Variants in MTUS2 observed in about 807,000 individuals in gnomAD.
MTUS2 encodes the protein microtubule-associated tumor suppressor candidate 2.
MTUS2 carries 40 observed loss-of-function variants against 114.1 expected under a neutral mutation model. That is an observed-to-expected ratio of 0.35 (90% CI 0.27 to 0.46). The LOEUF is 0.46. MTUS2 is among the 20% of genes least tolerant of loss of function. The probability of loss-of-function intolerance (pLI) is 1.00; values close to 1 mark genes in which losing one functional copy is unlikely to be tolerated. For missense variants in MTUS2, 1,679 were observed against 1,705.4 expected, an observed-to-expected ratio of 0.98 and a Z score of 0.27; for synonymous variants, 688 against 672.0, an observed-to-expected ratio of 1.02 and a Z score of -0.37.
chr13:28,927,921 T>C (rs561423876), intron 2 of MTUS2, among the ~76,000 whole-genome samples: 14 of 152,052 alleles, frequency 9.2e-5, no homozygotes, highest in Non-Finnish European at 1.8e-4. Context: ...AACAGACACA[T>C]AGACCAATGG....
chr13:29,503,682 G>A lies in MTUS2; in HGVS notation c.*476G>A. 4.3e-6 allele frequency: 1 copy of A among 231,914 alleles called. No individual in the cohort carries two copies. The highest frequency in any genetic ancestry group is 8.5e-6 in the Non-Finnish European group (1 of 117,596). 14.4% of individuals were successfully genotyped at this position (231,914 alleles called of 1,614,324 possible). A position where few individuals can be genotyped will look rare whatever the true frequency, so the allele number is the denominator to read the frequency against. On this transcript the variant is annotated 3_prime_UTR_variant, in exon 16 of 16. Transcript: ENST00000612955. ...CTAACTTGTGCCTAAGAATTATTGGGAAATGAAAATGCATTTCTATCTAGC... is the reference window on the plus strand; with the variant it reads ...CTAACTTGTGCCTAAGAATTATTGGAAAATGAAAATGCATTTCTATCTAGC...
At chr13:29,175,327 A>G (rs1893725874) in intron 5 of MTUS2, among the ~76,000 whole-genome samples, 1 of 152,250 alleles carries the variant, frequency 6.6e-6, no homozygotes, top group Admixed American at 6.5e-5. Flanking sequence ...ATGGGATTTC[A>G]TTCTATTTAC....
At chr13:29,429,291 C>G (rs969833193) in intron 8 of MTUS2, among the ~76,000 whole-genome samples, 1 of 152,228 alleles carries the variant, frequency 6.6e-6, no homozygotes, top group African/African-American at 2.4e-5. Flanking sequence ...TGTTTTTCTT[C>G]GCCAAGTGCT....
intron 4 of MTUS2, among the ~76,000 whole-genome samples, chr13:29,084,783 C>A (rs565327131): frequency 2.5e-5 from 3 of 118,190 alleles, no homozygotes; most frequent in Non-Finnish European, 5.9e-5. Context: ...GGTGATCCAC[C>A]CCCCCCCCTC....
At chr13:28,873,233 A>G (rs987318353) in intron 2 of MTUS2, among the ~76,000 whole-genome samples, 2 of 152,322 alleles carry the variant, frequency 1.3e-5, no homozygotes, top group South Asian at 4.1e-4. Flanking sequence ...TTCCTTGAAC[A>G]TACCATGGGG....
chr13:29,222,937 C>T (rs1310154250), intron 5 of MTUS2, among the ~76,000 whole-genome samples: 2 of 152,236 alleles, frequency 1.3e-5, no homozygotes, highest in Non-Finnish European at 2.9e-5. Flanking sequence ...GTCTCGGCCC[C>T]CTCTGGACTT....
intron 1 of MTUS2, among the ~76,000 whole-genome samples, chr13:28,822,794 CTG>C (rs1873999705): frequency 1.3e-5 from 2 of 152,116 alleles, no homozygotes; most frequent in Non-Finnish European, 2.9e-5. Flanking sequence ...GTCTTCAAAC[CTG>C]TGTTCAAGTA....
chr13:29,335,237 C>T (rs553490860), intron 7 of MTUS2, among the ~76,000 whole-genome samples: 27 of 152,254 alleles, frequency 1.8e-4, no homozygotes, highest in East Asian at 1.2e-3. Flanking sequence ...ATATCTTTTA[C>T]GGTCGTAGAT....
intron 9 of MTUS2, among the ~76,000 whole-genome samples, chr13:29,478,288 G>A (rs896695794): frequency 1.3e-5 from 2 of 152,174 alleles, no homozygotes; most frequent in Non-Finnish European, 2.9e-5. Context: ...TTGTAGCAAT[G>A]TTTCTTTCCT....
chr13:29,300,032 T>A (rs1394421662), intron 6 of MTUS2, among the ~76,000 whole-genome samples: 1 of 152,222 alleles, frequency 6.6e-6, no homozygotes, highest in Admixed American at 6.5e-5. Context: ...CTCAGGGTGC[T>A]ATTTAGCTAT....
intron 2 of MTUS2, among the ~76,000 whole-genome samples, chr13:28,970,051 A>G (rs9506061): frequency 0.22 from 33,394 of 152,156 alleles, 4,061 homozygotes; most frequent in Non-Finnish European, 0.26. Context: ...AAGTGCGGGG[A>G]TTACAGGTGT....
chr13:29,438,215 G>A (rs1413462414), intron 8 of MTUS2, among the ~76,000 whole-genome samples: 1 of 152,148 alleles, frequency 6.6e-6, no homozygotes, highest in Non-Finnish European at 1.5e-5. Flanking sequence ...GTAGGATTAT[G>A]CAATAAAATA....
At position 29,361,749 on chromosome 13, in the gene MTUS2, G is replaced by A. The variant is rs532069951; in HGVS notation, c.3117+2276G>A. ...TATTATTGTGAATGAGATCTTGTCT[G>A]AGCCAAGCATGCCAGCTTTGAGGAA... is the stretch of plus-strand genomic sequence containing the variant. On this transcript the variant is annotated intron_variant, in intron 8 of 15. Coordinates refer to ENST00000612955, the MANE Select transcript of MTUS2 (RefSeq NM_001033602.4). Among the ~76,000 whole-genome samples the A allele has an allele frequency of 2.9e-4, 44 of 152,308 alleles. No homozygotes were observed. In the South Asian group the frequency reaches 8.9e-3, roughly 31 times the overall value.
At chr13:29,466,230 A>G (rs1461013798) in intron 9 of MTUS2, among the ~76,000 whole-genome samples, 2 of 152,238 alleles carry the variant, frequency 1.3e-5, no homozygotes, top group African/African-American at 4.8e-5. Context: ...CTGGCATTGC[A>G]TCAAGTGATA....
At chr13:28,852,974 T>TACAC (rs58608150) in intron 2 of MTUS2, among the ~76,000 whole-genome samples, 1 of 151,078 alleles carries the variant, frequency 6.6e-6, no homozygotes, top group Non-Finnish European at 1.5e-5. Flanking sequence ...CATACATACA[T>TACAC]TCATTCATTC....
chr13:29,457,716 A>G (rs1879219550), intron 9 of MTUS2, among the ~76,000 whole-genome samples: 1 of 152,156 alleles, frequency 6.6e-6, no homozygotes, highest in African/African-American at 2.4e-5. Context: ...TAGAGAAAAC[A>G]CCAAACAGTT....
chr13:28,949,668 A>G (rs1174279170), intron 2 of MTUS2, among the ~76,000 whole-genome samples: 1 of 152,190 alleles, frequency 6.6e-6, no homozygotes, highest in African/African-American at 2.4e-5. Flanking sequence ...CTCTATGAAT[A>G]TGACTGCTCT....
In MTUS2 at chr13:28,927,448, C is replaced by T. The variant is rs1323551852; in HGVS notation, c.-243+87598C>T. Among the ~76,000 whole-genome samples, 3 of 152,152 alleles carry T rather than the reference C, an allele frequency of 2.0e-5. No individual in the cohort carries two copies. The East Asian group carries it at 5.8e-4, about 30-fold the overall frequency. On this transcript the variant is annotated intron_variant, in intron 2 of 15. Transcript: ENST00000612955. ...AGGCATAGTGGCATGCACCTGTAGT[C>T]CCAGCTGCTCAGGAGGCTGAGGTGA... is the stretch of plus-strand genomic sequence containing the variant.
intron 4 of MTUS2, among the ~76,000 whole-genome samples, chr13:29,100,212 G>A (rs1855978544): frequency 6.6e-6 from 1 of 152,156 alleles, no homozygotes; most frequent in Non-Finnish European, 1.5e-5. Flanking sequence ...GTCATTGGGA[G>A]AGCTGATATT....
Sources: allele counts gnomAD v4.1 joint callset (sites outside exome capture counted in the v4.1 genomes callset), GRCh38; gene constraint gnomAD v4.1.1; transcripts MANE v1.5; gene names NCBI Gene and HGNC (gene_info 2026-07-23, HGNC 2026-07-21).